Variants in RASSF2 observed in about 807,000 individuals in gnomAD.
RASSF2 encodes Ras association domain family member 2, also known as ras association domain-containing protein 2.
A neutral mutation model predicts 46.3 loss-of-function variants in RASSF2; 34 were observed. The observed-to-expected ratio is 0.73, with a 90% CI of 0.56 to 0.98. RASSF2 has a LOEUF of 0.98. Ranked by LOEUF, RASSF2 falls within the 50% of genes least tolerant of loss-of-function variation. The pLI is 0.00. For synonymous variants in RASSF2, 158 were observed against 162.5 expected, an observed-to-expected ratio of 0.97 and a Z score of 0.21; for missense variants, 364 against 431.2, an observed-to-expected ratio of 0.84 and a Z score of 1.38.
intron 4 of RASSF2, among the ~76,000 whole-genome samples, chr20:4,797,433 C>A (rs1926438464): frequency 6.6e-6 from 1 of 152,208 alleles, no homozygotes; most frequent in African/African-American, 2.4e-5. Context: ...CTACCAGACT[C>A]CTTTATAACT....
chr20:4,785,739 A>C (rs1166322032), intron 11 of RASSF2, among the ~76,000 whole-genome samples: 2 of 152,064 alleles, frequency 1.3e-5, no homozygotes, highest in Admixed American at 1.3e-4. Context: ...CCTTCAGGCA[A>C]GGGGTGGTAA....
chr20:4,803,365 T>C (rs1601115138), intron 2 of RASSF2, among the ~76,000 whole-genome samples: 1 of 152,142 alleles, frequency 6.6e-6, no homozygotes, highest in East Asian at 1.9e-4. Context: ...GGACTTGTCT[T>C]AGAGTCTCCA....
At position 4,787,809 on chromosome 20, in the gene RASSF2, G is replaced by C. The variant is rs916319382; in HGVS notation, c.692-55C>G. ...TGAGAGGCCTTTCTCACATTAAGTA[G>C]TGGTTAATGCAGGGGTCCAAAGGCA... On this transcript the variant is annotated intron_variant, in intron 9 of 11. Coordinates refer to ENST00000379400, the MANE Select transcript of RASSF2 (RefSeq NM_014737.3). 107 of 1,583,734 alleles carry C rather than the reference G, an allele frequency of 6.8e-5. 1 individual carries two copies. Among genetic ancestry groups the C allele is most frequent in the Admixed American group, 3.0e-4 (17 of 56,830 alleles).
At chr20:4,805,002 G>A (rs891776179) in intron 2 of RASSF2, among the ~76,000 whole-genome samples, 1 of 152,120 alleles carries the variant, frequency 6.6e-6, no homozygotes, top group African/African-American at 2.4e-5. Flanking sequence ...CAGGCAGAAA[G>A]AGCAGGCAAC....
intron 8 of RASSF2, among the ~76,000 whole-genome samples, chr20:4,789,210 C>T (rs1434169051): frequency 3.3e-5 from 5 of 152,298 alleles, no homozygotes; most frequent in South Asian, 2.1e-4. Context: ...AGTCAATCTT[C>T]GCACTGAGCC....
At chr20:4,799,757 T>A (rs1458015795) in intron 3 of RASSF2, among the ~76,000 whole-genome samples, 1 of 152,226 alleles carries the variant, frequency 6.6e-6, no homozygotes, top group Non-Finnish European at 1.5e-5. Flanking sequence ...AAAACATGTG[T>A]CAAGTGTGCC....
chr20:4,789,525 G>T lies in RASSF2; in HGVS notation c.639+71C>A. On this transcript the variant is annotated intron_variant, in intron 8 of 11. Transcript: ENST00000379400. Reference sequence around the variant, plus strand: ...AAACACACAATTTCCATAGCTCCTCGCACAACCACTCTAGGAGTCCCAAGG... The same window carrying T: ...AAACACACAATTTCCATAGCTCCTCTCACAACCACTCTAGGAGTCCCAAGG... 6 of 1,327,192 alleles carry T rather than the reference G, an allele frequency of 4.5e-6. No individual in the cohort carries two copies. In the South Asian group the frequency reaches 6.0e-5, roughly 13 times the overall value. 82.2% of individuals were successfully genotyped at this position (1,327,192 alleles called of 1,614,324 possible).
rs187543684 is a variant in RASSF2, at chr20:4,785,604, A to G, written c.911+627T>C. ...GCAATTTCCAGAAGATAAATGTTACAAAGGGAGGAAGGGGGAGAGGAGAGG... is the reference window on the plus strand; with the variant it reads ...GCAATTTCCAGAAGATAAATGTTACGAAGGGAGGAAGGGGGAGAGGAGAGG... On this transcript the variant is annotated intron_variant, in intron 11 of 11. Coordinates refer to ENST00000379400, the MANE Select transcript of RASSF2 (RefSeq NM_014737.3). 4.4e-3 allele frequency among the ~76,000 whole-genome samples: 676 copies of G among 152,324 alleles called. 4 individuals are homozygous for G. Among genetic ancestry groups the G allele is most frequent in the Middle Eastern group, 0.017 (5 of 294 alleles).
intron 2 of RASSF2, among the ~76,000 whole-genome samples, chr20:4,801,770 C>T (rs1250877656): frequency 2.0e-5 from 3 of 152,260 alleles, no homozygotes; most frequent in East Asian, 3.9e-4. Context: ...AAGAGTCTCA[C>T]TCTCTTCGCC....
At chr20:4,801,954 G>A (rs991056600) in intron 2 of RASSF2, among the ~76,000 whole-genome samples, 3 of 152,146 alleles carry the variant, frequency 2.0e-5, no homozygotes, top group African/African-American at 7.2e-5. Flanking sequence ...TGGCCAGGCT[G>A]GTCTCAAACT....
intron 2 of RASSF2, among the ~76,000 whole-genome samples, chr20:4,811,853 C>T (rs918462092): frequency 2.0e-5 from 3 of 152,154 alleles, no homozygotes; most frequent in African/African-American, 7.2e-5. Context: ...TGAGCCCTGC[C>T]CCTCCCTCTG....
rs112110784 is a variant in RASSF2 at position 4,789,457 on chromosome 20, G to A, written c.639+139C>T. The stretch of plus-strand genomic sequence containing the variant: ...GATTCTGTGGACTTTGTCCTGGATC[G>A]TGAGGATCTAAAGAACCGAAGCCCT... On this transcript the variant is annotated intron_variant, in intron 8 of 11. Coordinates refer to ENST00000379400, the MANE Select transcript of RASSF2 (RefSeq NM_014737.3). 1,699 of 656,906 alleles carry A rather than the reference G, an allele frequency of 2.6e-3. 22 individuals are homozygous for A. The African/African-American group carries it at 0.027, about 11-fold the overall frequency. 40.7% of individuals were successfully genotyped at this position (656,906 alleles called of 1,614,324 possible). A position where few individuals can be genotyped will look rare whatever the true frequency, so the allele number is the denominator to read the frequency against.
Position 4,812,874 on chromosome 20 carries a change from G to A in RASSF2, c.-33+9455C>T, listed in dbSNP as rs12624977. On this transcript the variant is annotated intron_variant, in intron 2 of 11. Transcript: ENST00000379400. This position sits in a 1 kb window ranked among gnomAD's most constrained non-coding sequence, Gnocchi z 4.0. ...GCTGGATCTGAGAGGGCCACTATGC[G>A]AGTAGCAGGTGCAGGCTGGCTCCAG... Among the ~76,000 whole-genome samples, 19 of 152,150 alleles carry A rather than the reference G, an allele frequency of 1.2e-4. No individual in the cohort carries two copies. The highest frequency in any genetic ancestry group is 2.7e-4 in the African/African-American group (11 of 41,430).
At position 4,789,667 on chromosome 20, in the gene RASSF2, C is replaced by G; in HGVS notation, c.568G>C (p.Val190Leu). ...GTGCTGTTGATGCGGACGTTGGTGA[C>G]AGAGCCATAGGCTGGTGTGAACACG... ...TSVFTPAYGS[V>L]TNVRINSTMT... is the part of the protein sequence containing the mutation. The change falls in exon 8 of 12, where the codon GTC (valine) becomes CTC (leucine). Residue 190 changes from valine (V) to leucine (L), a missense_variant. Physicochemically the swap from Val to Leu is conservative, Grantham distance 32 (BLOSUM62 1). Transcript: ENST00000379400. 1 of 1,614,104 alleles carries G rather than the reference C, an allele frequency of 6.2e-7. No individual in the cohort carries two copies. The highest frequency in any genetic ancestry group is 8.5e-7 in the Non-Finnish European group (1 of 1,180,028).
chr20:4,797,951 G>A (rs759636983), intron 4 of RASSF2, 59 bp downstream of exon 4: 10 of 1,607,934 alleles, frequency 6.2e-6, no homozygotes, highest in Admixed American at 5.0e-5. Context: ...TTCAGACCCA[G>A]GACACATGGT....
rs765607372 is a variant in RASSF2, at chr20:4,790,625, G to A, written c.377-14C>T. On this transcript the variant is annotated splice_polypyrimidine_tract_variant and intron_variant, in intron 6 of 11. Transcript: ENST00000379400. The surrounding 1 kb of genome is among the most constrained non-coding windows in gnomAD (Gnocchi z 4.3). ...GGCCCCTGGAGTCTGAGAGAGGAGA[G>A]GGAAATGAACTCTGTCTGTCTGGAC... The A allele has an allele frequency of 4.0e-6, 6 of 1,514,686 alleles. No individual in the cohort carries two copies. In the Admixed American group the frequency reaches 1.4e-4, roughly 34 times the overall value. 93.8% of individuals were successfully genotyped at this position (1,514,686 alleles called of 1,614,324 possible). A position where few individuals can be genotyped will look rare whatever the true frequency, so the allele number is the denominator to read the frequency against.
intron 10 of RASSF2, among the ~76,000 whole-genome samples, chr20:4,786,674 T>A (rs1461235214): frequency 1.3e-5 from 2 of 152,164 alleles, no homozygotes; most frequent in Non-Finnish European, 2.9e-5. Context: ...TGTTCTCCCC[T>A]AAGAGAATGG....
intron 7 of RASSF2, 24 bp from the exon 8 acceptor site, chr20:4,789,721 A>C (rs760254288): frequency 4.1e-5 from 65 of 1,594,910 alleles, no homozygotes; most frequent in Non-Finnish European, 5.1e-5. Flanking sequence ...GGCCCAGCTC[A>C]GGGTGGGAGT....
chr20:4,817,582 T>G (rs1308761308), intron 2 of RASSF2, among the ~76,000 whole-genome samples: 1 of 152,050 alleles, frequency 6.6e-6, no homozygotes, highest in Non-Finnish European at 1.5e-5. Flanking sequence ...CTTTGCATAG[T>G]GATTCAGAAA....
Sources: allele counts gnomAD v4.1 joint callset (sites outside exome capture counted in the v4.1 genomes callset), GRCh38; gene constraint gnomAD v4.1.1; non-coding constraint Gnocchi (gnomAD v3.1); transcripts MANE v1.5; gene names NCBI Gene and HGNC (gene_info 2026-07-23, HGNC 2026-07-21).